The following GALR1 variants were observed in gnomAD, a reference collection of about 807,000 sequenced individuals.
The protein encoded by GALR1 is galanin receptor type 1.
In GALR1, 11 loss-of-function variants were observed where a neutral mutation model predicts 17.9. That is an observed-to-expected ratio of 0.62 (90% CI 0.39 to 1.02). The LOEUF is 1.02. Ranked by LOEUF, GALR1 falls within the 50% of genes least tolerant of loss-of-function variation. The pLI, the probability that GALR1 is intolerant of heterozygous loss-of-function variation, is 0.01. For missense variants in GALR1, 441 were observed against 456.9 expected (o/e 0.97, Z 0.32); for synonymous variants, 206 against 205.7 (o/e 1.00, Z -0.01).
rs1913085107 is a variant in GALR1 at position 77,272,572 on chromosome 18, G to A, written c.*3670G>A. The A allele has an allele frequency of 6.6e-6, 1 of 152,244 alleles. No homozygotes were observed. The highest frequency in any genetic ancestry group is 6.5e-5 in the Admixed American group (1 of 15,280). The allele number at this position is 152,244 out of a possible 1,614,324, so 9.4% of individuals were successfully genotyped here. On this transcript the variant is annotated 3_prime_UTR_variant, in exon 3 of 3. Transcript: ENST00000299727. ...TCAATGTGGCTACTTCCTCTGGAAA[G>A]TTACTGTCTAAAATTTGTAAATTTT...
Position 77,250,601 on chromosome 18 carries a change from C to G in GALR1, c.53C>G (p.Pro18Arg). ...GAGGGCAACGCGAGCTGGCCGGAGC[C>G]CCCCGCCCCGGAGCCCGGGCCGCTG... ...LSEGNASWPE[P>R]PAPEPGPLFG... Residue 18 changes from proline (P) to arginine (R), a missense_variant, in exon 1 of 3, where the codon CCC becomes CGC. By Grantham distance (103) the Pro-to-Arg change is moderately radical (BLOSUM62 -2). Coordinates refer to ENST00000299727, the MANE Select transcript of GALR1 (RefSeq NM_001480.4). 1.3e-6 allele frequency: 2 copies of G among 1,557,652 alleles called. No individual in the cohort carries two copies. Among genetic ancestry groups the G allele is most frequent in the Non-Finnish European group, 1.7e-6 (2 of 1,155,742 alleles).
In GALR1 at chr18:77,252,968, CCATCACCACCAT is replaced by C. The variant is rs1568139197; in HGVS notation, c.666+1757_666+1768del. ...ACCACCATCACCACCATCACCACCA[CCATCACCACCAT>C]CACCACCATCACCACCACCACCACC... On this transcript the variant is annotated intron_variant, in intron 1 of 2. Transcript: ENST00000299727. 3.9e-3 allele frequency among the ~76,000 whole-genome samples: 172 copies of C among 43,950 alleles called. 3 individuals carry two copies. The highest frequency in any genetic ancestry group is 0.012 in the African/African-American group (146 of 12,516). The allele number at this position is 43,950 out of a possible 152,430, so 28.8% of individuals were successfully genotyped here.
Position 77,250,030 on chromosome 18 carries a change from T to C in GALR1, c.-519T>C, listed in dbSNP as rs80131113. On this transcript the variant is annotated 5_prime_UTR_variant, in exon 1 of 3. Transcript: ENST00000299727. ...GGGCGCGCGGGATGCGCGGGGAGCC[T>C]TCTCTGCAGGAGCCGCACAGTGCAC... 0.025 allele frequency among the ~76,000 whole-genome samples: 3,741 copies of C among 152,150 alleles called. 70 individuals carry two copies. The highest frequency in any genetic ancestry group is 0.067 in the East Asian group (343 of 5,134).
chr18:77,253,914 T>G (rs1327642768), intron 1 of GALR1: 1 of 152,362 alleles, frequency 6.6e-6, no homozygotes, highest in Admixed American at 6.5e-5. Flanking sequence ...AATACATGGG[T>G]GGGAGGATGA....
rs887634807 is a variant in GALR1 at position 77,250,411 on chromosome 18, C to T, written c.-138C>T. On this transcript the variant is annotated 5_prime_UTR_variant, in exon 1 of 3. Coordinates refer to ENST00000299727, the MANE Select transcript of GALR1 (RefSeq NM_001480.4). ...CACCGGATCCCCGCTCCCGCTGGCT[C>T]GCGCCTCGGGGGAAGCTCAGACTCC... 17 of 922,036 alleles carry T rather than the reference C, an allele frequency of 1.8e-5. No homozygotes were observed. Among genetic ancestry groups the T allele is most frequent in the Admixed American group, 7.7e-5 (2 of 25,868 alleles). 57.1% of individuals were successfully genotyped at this position (922,036 alleles called of 1,614,324 possible).
chr18:77,250,559 C>A lies in GALR1; in HGVS notation c.11C>A (p.Ala4Glu), dbSNP rs1599351873. ...ACAGCCCCGCGGGCCATGGAGCTGG[C>A]GGTCGGGAACCTCAGCGAGGGCAAC... MEL[A>E]VGNLSEGNAS... is the part of the protein sequence containing the mutation. Residue 4 changes from alanine (A) to glutamate (E), a missense_variant, in exon 1 of 3, where the codon GCG (alanine) becomes GAG (glutamate). By Grantham distance (107) the Ala-to-Glu change is moderately radical. Transcript: ENST00000299727. The A allele has an allele frequency of 2.0e-6, 3 of 1,529,916 alleles. No homozygotes were observed. The highest frequency in any genetic ancestry group is 2.0e-5 in the Admixed American group (1 of 50,784). 94.8% of individuals were successfully genotyped at this position (1,529,916 alleles called of 1,614,324 possible). A position where few individuals can be genotyped will look rare whatever the true frequency, so the allele number is the denominator to read the frequency against.
rs1333557442 is a variant in GALR1, at chr18:77,251,103, C to A, written c.555C>A (p.Thr185=). Residue 185 remains threonine (T), a synonymous_variant, in exon 1 of 3, where the codon ACC becomes ACA. Coordinates refer to ENST00000299727, the MANE Select transcript of GALR1 (RefSeq NM_001480.4). Reference sequence around the variant, plus strand: ...TCCACCCGCGCGCCAGCAACCAGACCTTCTGCTGGGAGCAGTGGCCCGACC... The same window carrying A: ...TCCACCCGCGCGCCAGCAACCAGACATTCTGCTGGGAGCAGTGGCCCGACC... ...GLFHPRASNQ[T]FCWEQWPDPR... 1 of 1,612,472 alleles carries A rather than the reference C, an allele frequency of 6.2e-7. No homozygotes were observed.
At position 77,271,613 on chromosome 18, in the gene GALR1, G is replaced by GAC. The variant is rs1248787506; in HGVS notation, c.*2716_*2717dup. The GAC allele has an allele frequency of 6.6e-6, 1 of 152,168 alleles. No homozygotes were observed. The highest frequency in any genetic ancestry group is 2.4e-5 in the African/African-American group (1 of 41,428). 9.4% of individuals were successfully genotyped at this position (152,168 alleles called of 1,614,324 possible). A position where few individuals can be genotyped will look rare whatever the true frequency, so the allele number is the denominator to read the frequency against. On this transcript the variant is annotated 3_prime_UTR_variant, in exon 3 of 3. Transcript: ENST00000299727. ...CACTAAATAAAGACAGCTTCCCAAG[G>GAC]ACACACTTTTTCTCCCAGCATCAGG...
At chr18:77,259,301 G>C (rs1427376576) in intron 2 of GALR1, among the ~76,000 whole-genome samples, 1 of 58,472 alleles carries the variant, frequency 1.7e-5, no homozygotes, top group Non-Finnish European at 5.0e-5. Flanking sequence ...TCATGGTGGT[G>C]ATGATGGTGG....
intron 2 of GALR1, among the ~76,000 whole-genome samples, chr18:77,266,150 C>G (rs1361852939): frequency 2.0e-5 from 3 of 152,140 alleles, no homozygotes; most frequent in South Asian, 2.1e-4. Context: ...CCATCTCTCT[C>G]AAGTTCAAAG....
In GALR1 at chr18:77,277,051, C is replaced by T. The variant is rs1043793183; in HGVS notation, c.*8149C>T. The T allele has an allele frequency of 3.3e-4, 50 of 152,280 alleles. No individual in the cohort carries two copies. Among genetic ancestry groups the T allele is most frequent in the African/African-American group, 1.2e-3 (50 of 41,558 alleles). The allele number at this position is 152,280 out of a possible 1,614,324, so 9.4% of individuals were successfully genotyped here. ...AAGTTTTGAACCCAGTGTTTAAACT[C>T]AGTGTTTAAATATTTGCATGTCTTT... is the stretch of plus-strand genomic sequence containing the variant. On this transcript the variant is annotated 3_prime_UTR_variant, in exon 3 of 3. Transcript: ENST00000299727.
chr18:77,256,784 C>T (rs1464292017), intron 2 of GALR1, among the ~76,000 whole-genome samples: 1 of 152,168 alleles, frequency 6.6e-6, no homozygotes, highest in African/African-American at 2.4e-5. Flanking sequence ...CCGTTGCTAA[C>T]TGACTTTCTC....
In GALR1 at chr18:77,259,680, T is replaced by C. The variant is rs373888050; in HGVS notation, c.732+3457T>C. On this transcript the variant is annotated intron_variant, in intron 2 of 2. Transcript: ENST00000299727. ...GTGGTGGTGGTGGCAATAGTGATGA[T>C]GATGGTGGCAATTGTGGTGATGGTG... Among the ~76,000 whole-genome samples the C allele has an allele frequency of 2.4e-3, 324 of 134,242 alleles. 1 individual carries two copies. Among genetic ancestry groups the C allele is most frequent in the African/African-American group, 8.3e-3 (303 of 36,434 alleles). The allele number at this position is 134,242 out of a possible 152,430, so 88.1% of individuals were successfully genotyped here.
rs1913094735 is a variant in GALR1, at chr18:77,273,228, C to T, written c.*4326C>T. The T allele has an allele frequency of 6.6e-6, 1 of 152,348 alleles. No homozygotes were observed. The highest frequency in any genetic ancestry group is 6.5e-5 in the Admixed American group (1 of 15,270). The allele number at this position is 152,348 out of a possible 1,614,324, so 9.4% of individuals were successfully genotyped here. A position where few individuals can be genotyped will look rare whatever the true frequency, so the allele number is the denominator to read the frequency against. On this transcript the variant is annotated 3_prime_UTR_variant, in exon 3 of 3. Coordinates refer to ENST00000299727, the MANE Select transcript of GALR1 (RefSeq NM_001480.4). ...TGCCTGGTGCTACTCACAGGGCTGA[C>T]TCACGGGCAGATGCTCCCCATCCTT...
rs1913141856 is a variant in GALR1 at position 77,275,664 on chromosome 18, C to T, written c.*6762C>T. ...TGTGTTGCTCTTCAGTGGAAATCTG[C>T]CCATTTTGTTGAAAAGAAAGGAAAC... On this transcript the variant is annotated 3_prime_UTR_variant, in exon 3 of 3. Transcript: ENST00000299727. The T allele has an allele frequency of 6.6e-6, 1 of 152,118 alleles. No homozygotes were observed. The highest frequency in any genetic ancestry group is 1.5e-5 in the Non-Finnish European group (1 of 68,028). 9.4% of individuals were successfully genotyped at this position (152,118 alleles called of 1,614,324 possible).
chr18:77,258,731 A>G (rs56064802), intron 2 of GALR1, among the ~76,000 whole-genome samples: 355 of 23,112 alleles, frequency 0.015, 2 homozygotes, highest in African/African-American at 0.04. Context: ...GATGGTGGTG[A>G]TGGTGATGAT....
chr18:77,256,968 T>C (rs1177843996), intron 2 of GALR1, among the ~76,000 whole-genome samples: 3 of 152,232 alleles, frequency 2.0e-5, no homozygotes, highest in Non-Finnish European at 4.4e-5. Context: ...TAGAATGAGA[T>C]TATTAGGCAA....
chr18:77,276,707 GGTCTTTTAAA>G lies in GALR1; in HGVS notation c.*7810_*7819del, dbSNP rs1913165050. 1 of 152,022 alleles carries G rather than the reference GGTCTTTTAAA, an allele frequency of 6.6e-6. No homozygotes were observed. Among genetic ancestry groups the G allele is most frequent in the African/African-American group, 2.4e-5 (1 of 41,402 alleles). 9.4% of individuals were successfully genotyped at this position (152,022 alleles called of 1,614,324 possible). On this transcript the variant is annotated 3_prime_UTR_variant, in exon 3 of 3. Coordinates refer to ENST00000299727, the MANE Select transcript of GALR1 (RefSeq NM_001480.4). ...AGATAACCAATCAAATTGAGCAGAT[GGTCTTTTAAA>G]GTCTAAGCTTCTATGGTTCTGTGAA...
At chr18:77,266,755 C>T (rs1912950477) in intron 2 of GALR1, among the ~76,000 whole-genome samples, 1 of 152,202 alleles carries the variant, frequency 6.6e-6, no homozygotes, top group African/African-American at 2.4e-5. Flanking sequence ...CCTTATAAAA[C>T]CATCAGATCT....
Sources: gnomAD v4.1 joint callset for allele counts (sites outside exome capture counted in the v4.1 genomes callset) on GRCh38, gnomAD v4.1.1 for gene constraint, MANE v1.5 for transcripts, NCBI Gene and HGNC (gene_info 2026-07-23, HGNC 2026-07-21) for gene names.